SAMTOR: variants seen among roughly 807,000 people sequenced by gnomAD.
The protein encoded by SAMTOR is S-adenosylmethionine sensor upstream of mTORC1.
At chr7:112,881,948 G>A in the SAMTOR span, among the ~76,000 whole-genome samples, 7 of 152,214 alleles carry the variant, frequency 4.6e-5, no homozygotes, top group Admixed American at 2.0e-4. Flanking sequence ...GAAGAGCTGC[G>A]GCCCTTGGGG....
the SAMTOR span, among the ~76,000 whole-genome samples, chr7:112,919,280 C>G: frequency 2.6e-5 from 4 of 152,130 alleles, no homozygotes; most frequent in Non-Finnish European, 5.9e-5. Flanking sequence ...AACTAGAACT[C>G]AGGATTAAGA....
the SAMTOR span, among the ~76,000 whole-genome samples, chr7:112,838,669 A>C: frequency 6.6e-6 from 1 of 151,902 alleles, no homozygotes. Flanking sequence ...AATAACACAG[A>C]AGGAAAACCA....
the SAMTOR span, among the ~76,000 whole-genome samples, chr7:112,849,950 T>C: frequency 6.6e-6 from 1 of 152,244 alleles, no homozygotes; most frequent in Non-Finnish European, 1.5e-5. Flanking sequence ...CTCATGCCTG[T>C]AATCCCAGCA....
chr7:112,903,307 T>C, the SAMTOR span, among the ~76,000 whole-genome samples: 1 of 145,478 alleles, frequency 6.9e-6, no homozygotes. Context: ...AGCGAAACTG[T>C]CTCAAAACAA....
the SAMTOR span, among the ~76,000 whole-genome samples, chr7:112,848,010 G>A: frequency 6.6e-6 from 1 of 151,998 alleles, no homozygotes. Flanking sequence ...TAGCATTACA[G>A]GTCATGGTAG....
the SAMTOR span, among the ~76,000 whole-genome samples, chr7:112,918,821 T>C: frequency 1.2e-4 from 18 of 152,146 alleles, no homozygotes; most frequent in African/African-American, 4.3e-4. Flanking sequence ...AAACAGACTT[T>C]AAACCAACAA....
chr7:112,908,794 T>C, the SAMTOR span, among the ~76,000 whole-genome samples: 1 of 152,180 alleles, frequency 6.6e-6, no homozygotes, highest in Non-Finnish European at 1.5e-5. Flanking sequence ...GTGTAATGCC[T>C]ATATGACAGT....
the SAMTOR span, among the ~76,000 whole-genome samples, chr7:112,860,433 A>G: frequency 3.9e-5 from 6 of 152,184 alleles, no homozygotes; most frequent in African/African-American, 1.4e-4. Context: ...GAGGAATAAC[A>G]ATGGCATCCC....
chr7:112,855,998 G>A, the SAMTOR span, among the ~76,000 whole-genome samples: 1 of 152,048 alleles, frequency 6.6e-6, no homozygotes, highest in Non-Finnish European at 1.5e-5. Flanking sequence ...GAGTGACATG[G>A]AAATACTGAG....
chr7:112,936,161 A>G, the SAMTOR span, among the ~76,000 whole-genome samples: 2 of 152,234 alleles, frequency 1.3e-5, no homozygotes, highest in African/African-American at 4.8e-5. Context: ...GGATCTATTC[A>G]CTAGATAGTG....
At chr7:112,830,327 G>T in the SAMTOR span, among the ~76,000 whole-genome samples, 3 of 152,060 alleles carry the variant, frequency 2.0e-5, no homozygotes, top group Non-Finnish European at 4.4e-5. Flanking sequence ...TCCCATCTTG[G>T]CTGGAAGAGT....
chr7:112,856,833 A>G, the SAMTOR span, among the ~76,000 whole-genome samples: 1 of 152,194 alleles, frequency 6.6e-6, no homozygotes, highest in Non-Finnish European at 1.5e-5. Context: ...AAAATCAGAA[A>G]TTAAACAATA....
the SAMTOR span, among the ~76,000 whole-genome samples, chr7:112,868,559 T>G: frequency 6.6e-6 from 1 of 151,912 alleles, no homozygotes; most frequent in Admixed American, 6.6e-5. Flanking sequence ...GGCTAAGAGA[T>G]AGTGAGGGAA....
the SAMTOR span, among the ~76,000 whole-genome samples, chr7:112,922,717 C>T: frequency 8.6e-5 from 13 of 151,534 alleles, no homozygotes; most frequent in Admixed American, 2.6e-4. Flanking sequence ...CCCCTCCGCC[C>T]GGCAGCCGCC....
the SAMTOR span, among the ~76,000 whole-genome samples, chr7:112,825,562 TGTTA>T: frequency 1.3e-5 from 2 of 152,194 alleles, no homozygotes; most frequent in Non-Finnish European, 1.5e-5. Context: ...TAAACTCATT[TGTTA>T]GTTTTAGGAG....
the SAMTOR span, among the ~76,000 whole-genome samples, chr7:112,849,060 AAAC>A: frequency 2.0e-5 from 3 of 151,712 alleles, no homozygotes; most frequent in African/African-American, 4.8e-5. Flanking sequence ...AAAAAAAAAA[AAAC>A]AAAGAAAAAA....
At chr7:112,924,040 T>C in the SAMTOR span, among the ~76,000 whole-genome samples, 13 of 141,006 alleles carry the variant, frequency 9.2e-5, no homozygotes, top group African/African-American at 3.5e-4. Flanking sequence ...CTGGGGTCTG[T>C]TGTGGGGTGG....
chr7:112,874,319 A>C, the SAMTOR span, among the ~76,000 whole-genome samples: 1 of 152,182 alleles, frequency 6.6e-6, no homozygotes, highest in Non-Finnish European at 1.5e-5. Flanking sequence ...TGGACTAAAG[A>C]AAATGTGATA....
chr7:112,922,239 G>A, the SAMTOR span, among the ~76,000 whole-genome samples: 1 of 152,230 alleles, frequency 6.6e-6, no homozygotes, highest in African/African-American at 2.4e-5. Context: ...ATTGCAGACG[G>A]AGTCTCATTC....
Sources: allele counts gnomAD v4.1 joint callset (sites outside exome capture counted in the v4.1 genomes callset), GRCh38; gene constraint gnomAD v4.1.1; transcripts MANE v1.5; gene names NCBI Gene and HGNC (gene_info 2026-07-23, HGNC 2026-07-21).